Variants in DGKB observed in about 807,000 individuals in gnomAD.
The protein encoded by DGKB is diacylglycerol kinase beta, also known as 90 kDa diacylglycerol kinase.
Under a neutral mutation model 114.3 loss-of-function variants are expected in DGKB, and 67 were observed. That is an observed-to-expected ratio of 0.59 (90% CI 0.48 to 0.72). DGKB has a LOEUF of 0.72. Ranked by LOEUF, DGKB falls within the 30% of genes least tolerant of loss-of-function variation. DGKB has a pLI of 0.00. For synonymous variants in DGKB, 398 were observed against 323.1 expected (o/e 1.23, Z -2.49); for missense variants, 907 against 975.2 (o/e 0.93, Z 0.93).
intron 1 of DGKB, among the ~76,000 whole-genome samples, chr7:14,973,675 G>C (rs1413798546): frequency 1.3e-5 from 2 of 149,392 alleles, no homozygotes; most frequent in Non-Finnish European, 3.0e-5. Context: ...TTTTAATCAT[G>C]TTTATGCAAC....
intron 23 of DGKB, among the ~76,000 whole-genome samples, chr7:14,316,587 G>A (rs1344642479): frequency 1.6e-5 from 2 of 125,946 alleles, no homozygotes; most frequent in Non-Finnish European, 3.3e-5. Flanking sequence ...AAACCAGGAA[G>A]AAGTTGAATC....
chr7:14,960,890 T>C (rs192430222), intron 1 of DGKB, among the ~76,000 whole-genome samples: 3 of 152,246 alleles, frequency 2.0e-5, no homozygotes, highest in East Asian at 3.9e-4. Context: ...AGATAAGCCA[T>C]TGGTAAATGT....
chr7:14,606,525 T>C (rs1403982723), intron 17 of DGKB, among the ~76,000 whole-genome samples: 1 of 151,932 alleles, frequency 6.6e-6, no homozygotes, highest in Non-Finnish European at 1.5e-5. Flanking sequence ...TTTAAAAGAG[T>C]ACTATTTAAA....
upstream of DGKB, chr7:14,903,347 A>C (rs1170688252): frequency 6.6e-6 from 1 of 151,912 alleles, no homozygotes; most frequent in Non-Finnish European, 1.5e-5. Flanking sequence ...TTGCTGATGG[A>C]GCTCAGGGGA....
At chr7:14,350,862 G>A (rs1813314083) in intron 21 of DGKB, among the ~76,000 whole-genome samples, 1 of 151,952 alleles carries the variant, frequency 6.6e-6, no homozygotes, top group Non-Finnish European at 1.5e-5. Flanking sequence ...TAGTTAAAAT[G>A]AAATTAAATA....
intron 20 of DGKB, among the ~76,000 whole-genome samples, chr7:14,483,087 TA>T: frequency 6.6e-6 from 1 of 152,188 alleles, no homozygotes; most frequent in East Asian, 1.9e-4. Context: ...CTTCATAAAT[TA>T]TGTTTTTTAT....
chr7:14,342,605 T>C (rs998599152), intron 22 of DGKB, among the ~76,000 whole-genome samples: 1 of 151,924 alleles, frequency 6.6e-6, no homozygotes, highest in African/African-American at 2.4e-5. Flanking sequence ...GCTCATTAGA[T>C]TTAAACATTG....
intron 23 of DGKB, among the ~76,000 whole-genome samples, chr7:14,213,641 C>T (rs535188434): frequency 3.3e-5 from 5 of 152,268 alleles, no homozygotes; most frequent in African/African-American, 1.2e-4. Context: ...ACCTGGCCCC[C>T]TTAGTGTCAT....
Position 14,454,775 on chromosome 7 carries a change from A to G in DGKB, c.1835+23386T>C, listed in dbSNP as rs147701516. 1.8e-4 allele frequency among the ~76,000 whole-genome samples: 28 copies of G among 152,146 alleles called. 1 individual carries two copies. The highest frequency in any genetic ancestry group is 1.3e-4 in the Non-Finnish European group (9 of 67,926). On this transcript the variant is annotated intron_variant, in intron 21 of 25. Coordinates refer to ENST00000402815, the MANE Select transcript of DGKB (RefSeq NM_001350709.2). ...ATCCTGCATACACTTGAGTCACATG[A>G]TAGTTTTGATAGTAAATTCTGATGG...
chr7:14,411,213 T>C (rs915157192), intron 21 of DGKB, among the ~76,000 whole-genome samples: 5 of 152,174 alleles, frequency 3.3e-5, no homozygotes, highest in Non-Finnish European at 7.3e-5. Flanking sequence ...TTAATGTAAG[T>C]GTTCTGAGTG....
intron 13 of DGKB, among the ~76,000 whole-genome samples, chr7:14,662,352 C>T (rs545446678): frequency 1.3e-5 from 2 of 151,692 alleles, no homozygotes; most frequent in Non-Finnish European, 2.9e-5. Flanking sequence ...GACAAATGTT[C>T]TGTTTTAGGA....
intron 23 of DGKB, among the ~76,000 whole-genome samples, chr7:14,267,602 C>T (rs1364333624): frequency 1.3e-5 from 2 of 151,808 alleles, no homozygotes; most frequent in Non-Finnish European, 2.9e-5. Context: ...CATTCTCCTG[C>T]CTCAGCCTCC....
chr7:14,849,878 T>C (rs1302677502), intron 1 of DGKB, among the ~76,000 whole-genome samples: 1 of 151,808 alleles, frequency 6.6e-6, no homozygotes, highest in Non-Finnish European at 1.5e-5. Context: ...AGGGGAAAAA[T>C]AGACACTATC....
chr7:14,973,052 C>T (rs990759455), intron 1 of DGKB, among the ~76,000 whole-genome samples: 1 of 151,862 alleles, frequency 6.6e-6, no homozygotes, highest in Non-Finnish European at 1.5e-5. Flanking sequence ...CTGCTAAAGG[C>T]TTATTTTAAA....
At chr7:14,478,824 G>C (rs1782581954) in intron 20 of DGKB, among the ~76,000 whole-genome samples, 1 of 151,638 alleles carries the variant, frequency 6.6e-6, no homozygotes, top group Non-Finnish European at 1.5e-5. Flanking sequence ...CAACAACAAA[G>C]AGAAACATTT....
At chr7:14,463,568 T>C (rs1383282686) in intron 21 of DGKB, among the ~76,000 whole-genome samples, 1 of 152,154 alleles carries the variant, frequency 6.6e-6, no homozygotes, top group Non-Finnish European at 1.5e-5. Flanking sequence ...TGCATGTATC[T>C]TTTCCCCACT....
At chr7:14,797,800 C>G (rs1324119735) in intron 2 of DGKB, among the ~76,000 whole-genome samples, 2 of 152,024 alleles carry the variant, frequency 1.3e-5, no homozygotes, top group African/African-American at 4.8e-5. Flanking sequence ...GGGAGTGGTG[C>G]TCAGTGGCTC....
intron 2 of DGKB, among the ~76,000 whole-genome samples, chr7:14,761,990 C>T (rs1299964806): frequency 6.6e-6 from 1 of 152,056 alleles, no homozygotes; most frequent in Non-Finnish European, 1.5e-5. Flanking sequence ...TCAGAGGTTC[C>T]TATGCTTGGC....
At chr7:14,551,061 T>C (rs539382291) in intron 20 of DGKB, among the ~76,000 whole-genome samples, 1 of 102,504 alleles carries the variant, frequency 9.8e-6, no homozygotes, top group Admixed American at 1.1e-4. Context: ...AGAAATTCTG[T>C]TAACTATTTC....
Sources: gnomAD v4.1 joint callset for allele counts (sites outside exome capture counted in the v4.1 genomes callset) on GRCh38, gnomAD v4.1.1 for gene constraint, MANE v1.5 for transcripts, NCBI Gene and HGNC (gene_info 2026-07-23, HGNC 2026-07-21) for gene names.